MYO3B: variants seen among roughly 807,000 people sequenced by gnomAD.
MYO3B encodes the protein myosin-IIIb.
In MYO3B, 156 loss-of-function variants were observed where a neutral mutation model predicts 174.6. The ratio of observed to expected loss-of-function variants is 0.89; its 90% CI spans 0.78 to 1.02. MYO3B has a LOEUF of 1.02. Among genes scored for constraint, MYO3B ranks in the 50% least tolerant of loss-of-function variants. MYO3B has a pLI of 0.00. For synonymous variants in MYO3B, 563 were observed against 569.1 expected (o/e 0.99, Z 0.15); for missense variants, 1,632 against 1,639.4 (o/e 1.00, Z 0.08).
intron 32 of MYO3B, among the ~76,000 whole-genome samples, chr2:170,596,999 C>T: frequency 6.6e-6 from 1 of 152,074 alleles, no homozygotes; most frequent in East Asian, 1.9e-4. Flanking sequence ...ATCTCCGTTT[C>T]AGGGATGTAG....
At chr2:170,558,908 C>T (rs919034334) in intron 32 of MYO3B, among the ~76,000 whole-genome samples, 6 of 152,170 alleles carry the variant, frequency 3.9e-5, no homozygotes, top group African/African-American at 1.2e-4. Flanking sequence ...AGTAACAGTA[C>T]CTACGTCATA....
intron 22 of MYO3B, among the ~76,000 whole-genome samples, chr2:170,413,290 G>A (rs1255898298): frequency 1.3e-5 from 2 of 152,184 alleles, no homozygotes; most frequent in Non-Finnish European, 2.9e-5. Flanking sequence ...CAGTCTGGGA[G>A]TAATGAGGCA....
chr2:170,561,972 A>G (rs1463709162), intron 32 of MYO3B, among the ~76,000 whole-genome samples: 1 of 152,132 alleles, frequency 6.6e-6, no homozygotes, highest in Non-Finnish European at 1.5e-5. Flanking sequence ...AAACCTCAGA[A>G]TTCTTGAAAA....
At chr2:170,449,008 C>G (rs1257181774) in intron 23 of MYO3B, among the ~76,000 whole-genome samples, 2 of 152,132 alleles carry the variant, frequency 1.3e-5, no homozygotes, top group Non-Finnish European at 2.9e-5. Context: ...TCAGATTGTA[C>G]TTTTAAAGCC....
rs576822155 is a variant in MYO3B at position 170,264,127 on chromosome 2, C to A, written c.749+27991C>A. Among the ~76,000 whole-genome samples the A allele has an allele frequency of 1.6e-4, 24 of 152,320 alleles. No individual in the cohort carries two copies. In the East Asian group the frequency reaches 3.3e-3, roughly 21 times the overall value. On this transcript the variant is annotated intron_variant, in intron 7 of 34. Coordinates refer to ENST00000408978, the MANE Select transcript of MYO3B (RefSeq NM_138995.5). ...TGAGTCAACACAGCACATGTCTCTG[C>A]GAGCACAGGGCTGGGGCTAGGGTTA...
In MYO3B at chr2:170,573,893, T is replaced by A. The variant is rs186763778; in HGVS notation, c.3733+29905T>A. Reference sequence around the variant, plus strand: ...TTATTAACTAGAATCTCAGTTAAGTTTGAAGTTCCTTTAAATTGTGTTCAG... The same window carrying A: ...TTATTAACTAGAATCTCAGTTAAGTATGAAGTTCCTTTAAATTGTGTTCAG... On this transcript the variant is annotated intron_variant, in intron 32 of 34. Transcript: ENST00000408978. 3.9e-3 allele frequency among the ~76,000 whole-genome samples: 598 copies of A among 152,300 alleles called. 2 individuals are homozygous for A. The highest frequency in any genetic ancestry group is 6.2e-3 in the Non-Finnish European group (425 of 68,014).
chr2:170,484,728 T>C (rs756056043), intron 25 of MYO3B, among the ~76,000 whole-genome samples: 49 of 152,198 alleles, frequency 3.2e-4, no homozygotes, highest in Non-Finnish European at 7.2e-4. Context: ...ATAATGAATA[T>C]ATGGCTTTTT....
intron 32 of MYO3B, among the ~76,000 whole-genome samples, chr2:170,651,196 C>T (rs1698986731): frequency 6.6e-6 from 1 of 152,128 alleles, no homozygotes; most frequent in Non-Finnish European, 1.5e-5. Flanking sequence ...AAAAGGTTTG[C>T]TTCTCACCTC....
intron 7 of MYO3B, among the ~76,000 whole-genome samples, chr2:170,317,549 T>A (rs2093784853): frequency 6.6e-6 from 1 of 152,206 alleles, no homozygotes; most frequent in South Asian, 2.1e-4. Context: ...TATTTTGATT[T>A]GTCCCTTATC....
intron 23 of MYO3B, among the ~76,000 whole-genome samples, chr2:170,460,610 TTTTAC>T (rs1428173472): frequency 6.6e-6 from 1 of 152,056 alleles, no homozygotes; most frequent in Non-Finnish European, 1.5e-5. Flanking sequence ...AAGGATAGGT[TTTTAC>T]TTTATTTCCA....
At chr2:170,506,702 G>C (rs1575090056) in intron 28 of MYO3B, among the ~76,000 whole-genome samples, 1 of 152,292 alleles carries the variant, frequency 6.6e-6, no homozygotes, top group Non-Finnish European at 1.5e-5. Context: ...ACAATACAAA[G>C]AGTACAAATT....
At position 170,460,140 on chromosome 2, in the gene MYO3B, C is replaced by T. The variant is rs140612645; in HGVS notation, c.2731-3228C>T. On this transcript the variant is annotated intron_variant, in intron 23 of 34. Coordinates refer to ENST00000408978, the MANE Select transcript of MYO3B (RefSeq NM_138995.5). Reference sequence around the variant, plus strand: ...GTGGATGCTGAGACAGAGGAGTCGCCGAGAGTAAGCGAGGGCTGCTAGCAC... The same window carrying T: ...GTGGATGCTGAGACAGAGGAGTCGCTGAGAGTAAGCGAGGGCTGCTAGCAC... Among the ~76,000 whole-genome samples, 654 of 152,156 alleles carry T rather than the reference C, an allele frequency of 4.3e-3. 3 individuals carry two copies. Among genetic ancestry groups the T allele is most frequent in the African/African-American group, 0.015 (629 of 41,528 alleles).
rs1490288233 is a variant in MYO3B, at chr2:170,302,147, C to T, written c.750-33238C>T. ...ATAATGCTGCCATAGAGAATGAGGT[C>T]TGCATGACTTCTGATTTTAAAAAAG... On this transcript the variant is annotated intron_variant, in intron 7 of 34. Transcript: ENST00000408978. Among the ~76,000 whole-genome samples the T allele has an allele frequency of 2.6e-5, 4 of 152,166 alleles. No individual in the cohort carries two copies. The South Asian group carries it at 8.3e-4, about 32-fold the overall frequency.
chr2:170,297,176 G>A (rs2093634088), intron 7 of MYO3B, among the ~76,000 whole-genome samples: 1 of 152,130 alleles, frequency 6.6e-6, no homozygotes, highest in Admixed American at 6.5e-5. Context: ...TTTAACATCT[G>A]TTGTGACTGA....
At chr2:170,190,396 C>G (rs181939630) in intron 1 of MYO3B, among the ~76,000 whole-genome samples, 7 of 152,262 alleles carry the variant, frequency 4.6e-5, no homozygotes, top group Non-Finnish European at 7.4e-5. Flanking sequence ...CTGCAGTCAG[C>G]AGGTGATGAA....
intron 9 of MYO3B, among the ~76,000 whole-genome samples, chr2:170,374,622 T>A (rs4668248): frequency 0.93 from 142,010 of 152,178 alleles, 66,289 homozygotes; most frequent in East Asian, 0.98. Flanking sequence ...TGTACTGTGC[T>A]TGGAGGGCTT....
intron 22 of MYO3B, among the ~76,000 whole-genome samples, chr2:170,415,306 C>A (rs894264745): frequency 1.5e-4 from 23 of 152,156 alleles, no homozygotes; most frequent in Admixed American, 1.4e-3. Context: ...TCATTCAGAT[C>A]TTTTCTCTAA....
At chr2:170,638,107 T>TTACA (rs1553546681) in intron 32 of MYO3B, among the ~76,000 whole-genome samples, 1 of 149,236 alleles carries the variant, frequency 6.7e-6, no homozygotes, top group Non-Finnish European at 1.5e-5. Flanking sequence ...TCTCTCTCTC[T>TTACA]CTCACACACA....
At chr2:170,254,455 T>C (rs570912438) in intron 7 of MYO3B, among the ~76,000 whole-genome samples, 8 of 152,270 alleles carry the variant, frequency 5.3e-5, no homozygotes, top group African/African-American at 1.9e-4. Context: ...CTGATCTGCA[T>C]GCTCCCAGTG....
Sources: gnomAD v4.1 joint callset for allele counts (sites outside exome capture counted in the v4.1 genomes callset) on GRCh38, gnomAD v4.1.1 for gene constraint, MANE v1.5 for transcripts, NCBI Gene and HGNC (gene_info 2026-07-23, HGNC 2026-07-21) for gene names.